Variants in TTC6 observed in about 807,000 individuals in gnomAD.
TTC6 encodes tetratricopeptide repeat protein 6.
Under a neutral mutation model 210.4 loss-of-function variants are expected in TTC6, and 172 were observed. The ratio of observed to expected loss-of-function variants is 0.82; its 90% CI spans 0.72 to 0.93. The LOEUF (loss-of-function observed/expected upper bound fraction) is 0.93. Among genes scored for constraint, TTC6 ranks in the 40% least tolerant of loss-of-function variants. The pLI is 0.00. For synonymous variants in TTC6, 804 were observed against 819.6 expected (o/e 0.98, Z 0.32); for missense variants, 2,414 against 2,318.1 (o/e 1.04, Z -0.85).
chr14:37,622,293 C>T, exon 1 of TTC6: 1 of 1,534,996 alleles, frequency 6.5e-7, no homozygotes. Flanking sequence ...GAGAAGATAC[C>T]CTTCGCTTAA....
At chr14:37,608,219 T>C (rs1307997111) in intron 2 of TTC6, among the ~76,000 whole-genome samples, 1 of 152,230 alleles carries the variant, frequency 6.6e-6, no homozygotes, top group East Asian at 1.9e-4. Context: ...ATAATGCACA[T>C]GTTTCAACAA....
intron 1 of TTC6, among the ~76,000 whole-genome samples, chr14:37,670,191 C>A (rs2095755559): frequency 6.6e-6 from 1 of 152,110 alleles, no homozygotes; most frequent in Admixed American, 6.6e-5. Context: ...AATAATAGGA[C>A]AAAGAACTAT....
chr14:37,634,895 G>A (rs1044721361), intron 1 of TTC6, among the ~76,000 whole-genome samples: 16 of 152,110 alleles, frequency 1.1e-4, no homozygotes, highest in Admixed American at 1.3e-4. Flanking sequence ...GAATGAAGGG[G>A]AAATCAACAC....
intron 1 of TTC6, among the ~76,000 whole-genome samples, chr14:37,677,420 T>C (rs939420461): frequency 2.0e-4 from 30 of 152,122 alleles, no homozygotes; most frequent in African/African-American, 7.2e-4. Flanking sequence ...TGAATTAGTT[T>C]ATTAGCTCTA....
In TTC6 at chr14:37,615,676, A is replaced by G. The variant is rs376903182; in HGVS notation, c.-154-6374A>G. Among the ~76,000 whole-genome samples the G allele has an allele frequency of 1.6e-4, 24 of 152,070 alleles. No individual in the cohort carries two copies. In the East Asian group the frequency reaches 3.5e-3, roughly 22 times the overall value. On this transcript the variant is annotated intron_variant, in intron 2 of 2. Transcript: ENST00000556845. ...TAGCATATTTTCCTTTACTTCATTG[A>G]GCATAGTTATAACAGTTGCTTTAAT...
intron 1 of TTC6, among the ~76,000 whole-genome samples, chr14:37,673,299 C>T (rs2095762058): frequency 2.0e-5 from 3 of 152,130 alleles, no homozygotes; most frequent in Admixed American, 1.3e-4. Flanking sequence ...AAAGTTAATG[C>T]AGATCAGGAC....
At chr14:37,779,264 A>G (rs1468410028) in intron 14 of TTC6, among the ~76,000 whole-genome samples, 1 of 151,996 alleles carries the variant, frequency 6.6e-6, no homozygotes, top group Non-Finnish European at 1.5e-5. Flanking sequence ...TTCATTCTCA[A>G]TGCATTCTCT....
chr14:37,742,166 A>G (rs977205049), intron 10 of TTC6, among the ~76,000 whole-genome samples: 4 of 152,142 alleles, frequency 2.6e-5, no homozygotes, highest in Admixed American at 2.0e-4. Context: ...CTGTTTGCCA[A>G]TGGCGTTCCT....
chr14:37,615,673 T>C (rs200247547), intron 2 of TTC6, among the ~76,000 whole-genome samples: 52 of 152,272 alleles, frequency 3.4e-4, no homozygotes, highest in East Asian at 9.6e-4. Flanking sequence ...CTTTACTTCA[T>C]TGAGCATAGT....
At chr14:37,818,294 T>A (rs1369975381) in intron 26 of TTC6, among the ~76,000 whole-genome samples, 1 of 152,120 alleles carries the variant, frequency 6.6e-6, no homozygotes, top group Non-Finnish European at 1.5e-5. Flanking sequence ...TGAAATAATA[T>A]TATAGTATAT....
At chr14:37,788,234 A>G (rs2096072302) in intron 15 of TTC6, among the ~76,000 whole-genome samples, 1 of 152,172 alleles carries the variant, frequency 6.6e-6, no homozygotes, top group South Asian at 2.1e-4. Context: ...TGCCCAGCAC[A>G]ATTGTGAGCA....
exon 29 of TTC6, chr14:37,827,227 G>T (rs143675181): frequency 1.9e-6 from 3 of 1,612,720 alleles, no homozygotes; most frequent in Non-Finnish European, 2.5e-6. Flanking sequence ...TTAACAAATC[G>T]TGGGGTGATT....
intron 1 of TTC6, among the ~76,000 whole-genome samples, chr14:37,666,541 GGTAGAGT>G (rs758949421): frequency 6.7e-6 from 1 of 150,046 alleles, no homozygotes. Flanking sequence ...GAGCGATGCA[GGTAGAGT>G]GCCTGGTTAG....
rs142435313 is a variant in TTC6, at chr14:37,654,172, A to C, written c.940-25979A>C. On this transcript the variant is annotated intron_variant, in intron 1 of 30. Transcript: ENST00000553443. ...GTTGTGAGGGGACTGGATCATGGGGATGGTTTTCTCATGAATGATTTAGCA... is the reference window on the plus strand; with the variant it reads ...GTTGTGAGGGGACTGGATCATGGGGCTGGTTTTCTCATGAATGATTTAGCA... 2.3e-3 allele frequency among the ~76,000 whole-genome samples: 353 copies of C among 152,168 alleles called. 1 individual carries two copies. Among genetic ancestry groups the C allele is most frequent in the African/African-American group, 8.1e-3 (335 of 41,520 alleles).
chr14:37,656,330 T>G (rs1450859423), intron 1 of TTC6, among the ~76,000 whole-genome samples: 1 of 152,152 alleles, frequency 6.6e-6, no homozygotes, highest in Non-Finnish European at 1.5e-5. Context: ...TGCAAAGAAT[T>G]GTTGCTCTGT....
chr14:37,828,703 G>A (rs1485075162), intron 29 of TTC6, among the ~76,000 whole-genome samples: 39 of 151,684 alleles, frequency 2.6e-4, no homozygotes, highest in Admixed American at 2.6e-3. Flanking sequence ...GAGTTTTAAT[G>A]AAGTCTAATA....
At chr14:37,653,896 G>A (rs752010462) in intron 1 of TTC6, among the ~76,000 whole-genome samples, 7 of 151,800 alleles carry the variant, frequency 4.6e-5, no homozygotes, top group South Asian at 2.1e-4. Flanking sequence ...TATAATAGTC[G>A]GTCACAAGAA....
chr14:37,600,225 C>A (rs888134750), intron 1 of TTC6, among the ~76,000 whole-genome samples: 1 of 152,102 alleles, frequency 6.6e-6, no homozygotes, highest in Admixed American at 6.5e-5. Flanking sequence ...GCTTGGAGAT[C>A]CTGGCGTTTC....
intron 10 of TTC6, among the ~76,000 whole-genome samples, chr14:37,747,025 C>G (rs1341871254): frequency 1.3e-5 from 2 of 152,172 alleles, no homozygotes; most frequent in African/African-American, 4.8e-5. Context: ...ACTGCAACTA[C>G]TCTTTGGTCT....
Sources: allele counts gnomAD v4.1 joint callset (sites outside exome capture counted in the v4.1 genomes callset), GRCh38; gene constraint gnomAD v4.1.1; transcripts MANE v1.5; gene names NCBI Gene and HGNC (gene_info 2026-07-23, HGNC 2026-07-21).